CLMP: variants seen among roughly 807,000 people sequenced by gnomAD.
CLMP encodes the protein CXADR like cell adhesion molecule, also known as CXADR-like membrane protein.
Under a neutral mutation model 45.2 loss-of-function variants are expected in CLMP, and 27 were observed. That is an observed-to-expected ratio of 0.60 (90% confidence interval 0.44 to 0.82). The LOEUF (loss-of-function observed/expected upper bound fraction) is 0.82. CLMP is among the 40% of genes least tolerant of loss of function. The pLI, the probability that CLMP is intolerant of heterozygous loss-of-function variation, is 0.00. For missense variants in CLMP, 403 were observed against 448.4 expected, an observed-to-expected ratio of 0.90 and a Z score of 0.91; for synonymous variants, 167 against 171.4, an observed-to-expected ratio of 0.97 and a Z score of 0.20.
At chr11:123,094,672 C>T (rs1351208371) in intron 2 of CLMP, among the ~76,000 whole-genome samples, 2 of 152,236 alleles carry the variant, frequency 1.3e-5, no homozygotes, top group Admixed American at 6.5e-5. Flanking sequence ...GCTGGGACTA[C>T]AGGCACAAGC....
chr11:123,084,531 A>G lies in CLMP; in HGVS notation c.369T>C (p.His123=), dbSNP rs750549964. The change falls in exon 3 of 7, where the codon CAT becomes CAC. Residue 123 remains histidine (H), a synonymous_variant. Coordinates refer to ENST00000448775, the MANE Select transcript of CLMP (RefSeq NM_024769.5). ...VKNSGRYVWS[H]VILKVLVRPS... ...TCTTACCTAAGACTTTTAAGATGAC[A>G]TGGCTCCACACGTAGCGCCCTGAAT... 10 of 1,614,176 alleles carry G rather than the reference A, an allele frequency of 6.2e-6. No individual in the cohort carries two copies. The highest frequency in any genetic ancestry group is 1.1e-5 in the South Asian group (1 of 91,082).
Position 123,103,719 on chromosome 11 carries a change from T to TC in CLMP, c.29-5768_29-5767insG, listed in dbSNP as rs1209839342. On this transcript the variant is annotated intron_variant, in intron 1 of 6. Coordinates refer to ENST00000448775, the MANE Select transcript of CLMP (RefSeq NM_024769.5). ...CTTTTTTTTTCTTTCTTTCTTTCTT[T>TC]TTTTTTACATTAAAGCTTTTACATT... Among the ~76,000 whole-genome samples the TC allele has an allele frequency of 2.6e-3, 395 of 152,158 alleles. 1 individual carries two copies. Among genetic ancestry groups the TC allele is most frequent in the African/African-American group, 9.0e-3 (374 of 41,542 alleles).
At chr11:123,176,258 T>C (rs1428121126) in intron 1 of CLMP, among the ~76,000 whole-genome samples, 1 of 152,182 alleles carries the variant, frequency 6.6e-6, no homozygotes, top group African/African-American at 2.4e-5. Context: ...TCAATAATAT[T>C]CTAAAAGTGA....
At chr11:123,168,061 T>C (rs1861582014) in intron 1 of CLMP, among the ~76,000 whole-genome samples, 1 of 152,204 alleles carries the variant, frequency 6.6e-6, no homozygotes, top group South Asian at 2.1e-4. Flanking sequence ...CAGCCTGCCA[T>C]GGTCAACAAA....
At chr11:123,177,779 TTA>T (rs1436355915) in intron 1 of CLMP, among the ~76,000 whole-genome samples, 2 of 152,212 alleles carry the variant, frequency 1.3e-5, no homozygotes, top group Non-Finnish European at 1.5e-5. Flanking sequence ...ACTCAACCAA[TTA>T]TATAGTTTAA....
At chr11:123,189,719 A>T (rs1049425530) in intron 1 of CLMP, among the ~76,000 whole-genome samples, 1 of 152,214 alleles carries the variant, frequency 6.6e-6, no homozygotes, top group African/African-American at 2.4e-5. Flanking sequence ...TAAAAGTAGA[A>T]GAAAATGGCC....
chr11:123,163,232 A>G (rs1481807587), intron 1 of CLMP, among the ~76,000 whole-genome samples: 1 of 152,214 alleles, frequency 6.6e-6, no homozygotes, highest in East Asian at 1.9e-4. Context: ...GAGGGTCTTC[A>G]CTTCAGTTGG....
At chr11:123,174,791 A>G (rs1270094685) in intron 1 of CLMP, among the ~76,000 whole-genome samples, 1 of 152,200 alleles carries the variant, frequency 6.6e-6, no homozygotes, top group Admixed American at 6.5e-5. Context: ...TCTAAGGGTT[A>G]TTTAATTCAT....
intron 1 of CLMP, among the ~76,000 whole-genome samples, chr11:123,103,612 G>T (rs980631298): frequency 1.5e-4 from 23 of 152,104 alleles, no homozygotes; most frequent in African/African-American, 5.3e-4. Context: ...TACACTTCTA[G>T]TCTTCCTTGA....
chr11:123,159,543 A>G (rs1330168315), intron 1 of CLMP, among the ~76,000 whole-genome samples: 1 of 152,218 alleles, frequency 6.6e-6, no homozygotes, highest in Non-Finnish European at 1.5e-5. Flanking sequence ...AGGAATGCAT[A>G]AAATTGGTGT....
chr11:123,109,059 CAAAAAAA>C (rs776811883), intron 1 of CLMP, among the ~76,000 whole-genome samples: 7 of 64,262 alleles, frequency 1.1e-4, no homozygotes, highest in African/African-American at 1.8e-4. Context: ...AACTCTGTCT[CAAAAAAA>C]AAAAAAAAAA....
At chr11:123,079,365 G>GAAAA (rs1449820102) in intron 5 of CLMP, among the ~76,000 whole-genome samples, 2 of 151,980 alleles carry the variant, frequency 1.3e-5, no homozygotes, top group Non-Finnish European at 2.9e-5. Context: ...ACCTAGTGGG[G>GAAAA]AAAAAAGGAT....
chr11:123,114,934 C>A (rs1157803530), intron 1 of CLMP, among the ~76,000 whole-genome samples: 1 of 152,144 alleles, frequency 6.6e-6, no homozygotes, highest in Non-Finnish European at 1.5e-5. Flanking sequence ...AAGACCTATA[C>A]CCTGAACAGT....
At chr11:123,094,934 C>T (rs1336319413) in intron 2 of CLMP, among the ~76,000 whole-genome samples, 3 of 152,152 alleles carry the variant, frequency 2.0e-5, no homozygotes, top group Non-Finnish European at 4.4e-5. Context: ...CTGTGCCAGG[C>T]TCTTTGTAAA....
chr11:123,125,598 T>A (rs909428402), intron 1 of CLMP, among the ~76,000 whole-genome samples: 74 of 127,720 alleles, frequency 5.8e-4, no homozygotes, highest in African/African-American at 1.9e-3. Context: ...CTTTCTTCTT[T>A]TCTTTTCTTT....
Position 123,142,088 on chromosome 11 carries a change from G to A in CLMP, c.29-44136C>T, listed in dbSNP as rs186807144. 4.5e-3 allele frequency among the ~76,000 whole-genome samples: 679 copies of A among 150,404 alleles called. 4 individuals carry two copies. The highest frequency in any genetic ancestry group is 8.2e-3 in the Admixed American group (122 of 14,968). On this transcript the variant is annotated intron_variant, in intron 1 of 6. Transcript: ENST00000448775. ...GACCCTCGACCTCCCAGGGTCAAGC[G>A]ATCCTCCTGTCTCAGCCTCCTGAGT... is the stretch of plus-strand genomic sequence containing the variant.
At chr11:123,115,845 T>C (rs1198556882) in intron 1 of CLMP, among the ~76,000 whole-genome samples, 1 of 152,194 alleles carries the variant, frequency 6.6e-6, no homozygotes, top group Non-Finnish European at 1.5e-5. Context: ...CTCGAAACAA[T>C]AAACGTGTTA....
chr11:123,079,035 C>T (rs1865772112), intron 5 of CLMP, among the ~76,000 whole-genome samples: 1 of 152,146 alleles, frequency 6.6e-6, no homozygotes, highest in South Asian at 2.1e-4. Context: ...AGCTTGGCCT[C>T]CCAGAGTGCT....
intron 1 of CLMP, among the ~76,000 whole-genome samples, chr11:123,123,053 G>A (rs1054929685): frequency 3.3e-5 from 5 of 151,726 alleles, no homozygotes; most frequent in Non-Finnish European, 5.9e-5. Flanking sequence ...ACCAGACACC[G>A]AGGCCTTCTT....
Sources: allele counts gnomAD v4.1 joint callset (sites outside exome capture counted in the v4.1 genomes callset), GRCh38; gene constraint gnomAD v4.1.1; transcripts MANE v1.5; gene names NCBI Gene and HGNC (gene_info 2026-07-23, HGNC 2026-07-21).